The following SH2D4B variants were observed in gnomAD, a reference collection of about 807,000 sequenced individuals.
SH2D4B encodes SH2 domain containing 4B.
In SH2D4B, 45 loss-of-function variants were observed where a neutral mutation model predicts 61.5. The observed-to-expected ratio is 0.73, with a 90% CI of 0.58 to 0.94. The LOEUF is 0.94. Among genes scored for constraint, SH2D4B ranks in the 40% least tolerant of loss-of-function variants. The pLI, the probability that SH2D4B is intolerant of heterozygous loss-of-function variation, is 0.00. For missense variants in SH2D4B, 572 were observed against 574.2 expected (o/e 1.00, Z 0.04); for synonymous variants, 224 against 220.4 (o/e 1.02, Z -0.14).
intron 1 of SH2D4B, among the ~76,000 whole-genome samples, chr10:80,542,404 T>C (rs1841593954): frequency 6.6e-6 from 1 of 151,050 alleles, no homozygotes; most frequent in African/African-American, 2.4e-5. Context: ...CTATCTTTTT[T>C]TTTTTTTTTT....
chr10:80,545,381 G>T (rs1841660605), intron 1 of SH2D4B, among the ~76,000 whole-genome samples: 1 of 148,788 alleles, frequency 6.7e-6, no homozygotes, highest in South Asian at 2.1e-4. Context: ...TCCTTCTTTT[G>T]CTTCTCCTCC....
At position 80,609,538 on chromosome 10, in the gene SH2D4B, C is replaced by A. The variant is rs765178823; in HGVS notation, c.975C>A (p.Ala325=). Reference sequence around the variant, plus strand: ...TCGAGAGGAACACCAAGTTCATCGCCCCCTGGTTCCATGGTAGCACCATTT... The same window carrying A: ...TCGAGAGGAACACCAAGTTCATCGCACCCTGGTTCCATGGTAGCACCATTT... ...AGFERNTKFI[A]PWFHGIISRE... The change falls in exon 6 of 8, where the codon GCC becomes GCA. Residue 325 remains alanine, a synonymous_variant. Coordinates refer to ENST00000646907, the MANE Select transcript of SH2D4B (RefSeq NM_001388272.1). The A allele has an allele frequency of 3.7e-6, 6 of 1,614,212 alleles. No homozygotes were observed. The highest frequency in any genetic ancestry group is 4.2e-6 in the Non-Finnish European group (5 of 1,180,030).
At chr10:80,634,222 A>G in intron 6 of SH2D4B, 63 bp from the exon 7 acceptor site, 1 of 1,469,170 alleles carries the variant, frequency 6.8e-7, no homozygotes, top group Non-Finnish European at 9.0e-7. Context: ...AGGAGTGGAG[A>G]ATCGTGGGGG....
chr10:80,570,216 A>T lies in SH2D4B; in HGVS notation c.247A>T (p.Met83Leu), dbSNP rs200521688. ...AGATGGCGAGGTCTGGGTCTGGATC[A>T]TGGGAGAAGGCCCTGGTGACAAGCC... ...GADGEVWVWI[M>L]GEGPGDKPYE... Residue 83 changes from methionine (M) to leucine (L), a missense_variant, in exon 2 of 8, where the codon ATG becomes TTG. Coordinates refer to ENST00000646907, the MANE Select transcript of SH2D4B (RefSeq NM_001388272.1). 2 of 1,614,050 alleles carry T rather than the reference A, an allele frequency of 1.2e-6. No homozygotes were observed. The highest frequency in any genetic ancestry group is 1.7e-6 in the Non-Finnish European group (2 of 1,180,034).
intron 7 of SH2D4B, 114 bp from the exon 8 acceptor site, chr10:80,643,879 G>A (rs913044576): frequency 3.7e-6 from 2 of 544,588 alleles, no homozygotes; most frequent in Middle Eastern, 2.9e-4. Context: ...ATCTGAATGA[G>A]AGGAGACAAA....
chr10:80,543,747 G>A (rs908927047), intron 1 of SH2D4B, among the ~76,000 whole-genome samples: 4 of 152,154 alleles, frequency 2.6e-5, no homozygotes, highest in Non-Finnish European at 5.9e-5. Context: ...TCGGCACTCT[G>A]TATCTAGCTC....
chr10:80,644,114 T>C lies in SH2D4B; in HGVS notation c.*29T>C, dbSNP rs769332067. ...TTTTCCTTATCAATTGGATTCATTT[T>C]GGTATCCTGTTTTTGAACTCAGCTT... On this transcript the variant is annotated 3_prime_UTR_variant, in exon 8 of 8. Transcript: ENST00000646907. The C allele has an allele frequency of 1.9e-6, 3 of 1,576,398 alleles. No homozygotes were observed. Among genetic ancestry groups the C allele is most frequent in the Non-Finnish European group, 1.7e-6 (2 of 1,146,788 alleles).
Position 80,570,276 on chromosome 10 carries a change from A to G in SH2D4B, c.307A>G (p.Arg103Gly). 1 of 1,613,684 alleles carries G rather than the reference A, an allele frequency of 6.2e-7. No individual in the cohort carries two copies. Among genetic ancestry groups the G allele is most frequent in the Non-Finnish European group, 8.5e-7 (1 of 1,179,944 alleles). The change falls in exon 2 of 8, where the codon AGG becomes GGG. Residue 103 changes from arginine to glycine, a missense_variant. Coordinates refer to ENST00000646907, the MANE Select transcript of SH2D4B (RefSeq NM_001388272.1). ...GATCTCTGAGGAGCTGATTGCAGAG[A>G]GGGCGCGGCTGCAGGCACAGAGGGA... ...EEISEELIAE[R>G]ARLQAQREAE...
At chr10:80,621,773 G>T (rs1842719282) in intron 6 of SH2D4B, among the ~76,000 whole-genome samples, 1 of 152,186 alleles carries the variant, frequency 6.6e-6, no homozygotes, top group Non-Finnish European at 1.5e-5. Context: ...GGGGTCTGAG[G>T]GTCCCCTTCC....
At position 80,538,479 on chromosome 10, in the gene SH2D4B, C is replaced by A. The variant is rs867118977; in HGVS notation, c.148C>A (p.Gln50Lys). ...KERETWEALA[Q>K]DEGLRPPKTK... ...GCGGGAGACTTGGGAGGCCCTGGCC[C>A]AGGACGAGGGTCTCAGGCCTCCAAA... The change falls in exon 1 of 8, where the codon CAG becomes AAG. Residue 50 changes from glutamine to lysine, a missense_variant. By Grantham distance (53) the Gln-to-Lys change is moderately conservative (BLOSUM62 1). Coordinates refer to ENST00000646907, the MANE Select transcript of SH2D4B (RefSeq NM_001388272.1). This position sits in a 1 kb window ranked among gnomAD's most constrained non-coding sequence, Gnocchi z 4.8. 1 of 1,455,098 alleles carries A rather than the reference C, an allele frequency of 6.9e-7. No individual in the cohort carries two copies. The highest frequency in any genetic ancestry group is 9.1e-7 in the Non-Finnish European group (1 of 1,103,454). 90.1% of individuals were successfully genotyped at this position (1,455,098 alleles called of 1,614,324 possible).
At chr10:80,569,641 T>C (rs907732609) in intron 1 of SH2D4B, among the ~76,000 whole-genome samples, 4 of 151,952 alleles carry the variant, frequency 2.6e-5, no homozygotes, top group African/African-American at 7.3e-5. Context: ...CACAATGCTC[T>C]TATACATTTT....
At chr10:80,565,095 A>T (rs1201956415) in intron 1 of SH2D4B, among the ~76,000 whole-genome samples, 1 of 152,236 alleles carries the variant, frequency 6.6e-6, no homozygotes, top group African/African-American at 2.4e-5. Context: ...GAGTGGCTGA[A>T]GTATGGCCGC....
In SH2D4B at chr10:80,615,005, C is replaced by A. The variant is rs997605026; in HGVS notation, c.988+5454C>A. Among the ~76,000 whole-genome samples, 3 of 152,354 alleles carry A rather than the reference C, an allele frequency of 2.0e-5. No individual in the cohort carries two copies. The East Asian group carries it at 5.8e-4, about 29-fold the overall frequency. On this transcript the variant is annotated intron_variant, in intron 6 of 7. Transcript: ENST00000646907. ...GATGAGGGGCAAACCCACTGGCCAT[C>A]CTGCAGGGAGGAAACCCCCAGAGAG...
intron 3 of SH2D4B, among the ~76,000 whole-genome samples, chr10:80,582,696 G>C (rs1406164039): frequency 6.6e-6 from 1 of 152,176 alleles, no homozygotes; most frequent in Non-Finnish European, 1.5e-5. Flanking sequence ...CATTCCTGGG[G>C]GGACTAACTA....
At chr10:80,556,846 T>C (rs1258298960) in intron 1 of SH2D4B, among the ~76,000 whole-genome samples, 1 of 152,194 alleles carries the variant, frequency 6.6e-6, no homozygotes, top group East Asian at 1.9e-4. Context: ...CATATGCAAA[T>C]GGAGACAAAT....
chr10:80,599,199 C>G (rs916674776), intron 4 of SH2D4B, among the ~76,000 whole-genome samples: 1 of 152,060 alleles, frequency 6.6e-6, no homozygotes, highest in East Asian at 1.9e-4. Flanking sequence ...CAGGTAGAGC[C>G]GGAAGGGGCT....
intron 1 of SH2D4B, among the ~76,000 whole-genome samples, chr10:80,544,042 A>T (rs904232385): frequency 6.6e-6 from 1 of 152,110 alleles, no homozygotes; most frequent in African/African-American, 2.4e-5. Context: ...CCAAGCCAGC[A>T]GTGACAACCC....
In SH2D4B at chr10:80,614,985, G is replaced by A. The variant is rs112147219; in HGVS notation, c.988+5434G>A. Among the ~76,000 whole-genome samples, 63 of 152,370 alleles carry A rather than the reference G, an allele frequency of 4.1e-4. 1 individual carries two copies. Among genetic ancestry groups the A allele is most frequent in the African/African-American group, 1.5e-3 (63 of 41,584 alleles). On this transcript the variant is annotated intron_variant, in intron 6 of 7. Coordinates refer to ENST00000646907, the MANE Select transcript of SH2D4B (RefSeq NM_001388272.1). ...GCCCTCCTGGGAGCCCTGTGGATGA[G>A]GGGCAAACCCACTGGCCATCCTGCA...
chr10:80,632,067 G>A (rs7908183), intron 6 of SH2D4B, among the ~76,000 whole-genome samples: 4,085 of 152,066 alleles, frequency 0.027, 192 homozygotes, highest in African/African-American at 0.094. Flanking sequence ...CCTCCCAAGT[G>A]GGTGTAGCAT....
Sources: allele counts gnomAD v4.1 joint callset (sites outside exome capture counted in the v4.1 genomes callset), GRCh38; gene constraint gnomAD v4.1.1; non-coding constraint Gnocchi (gnomAD v3.1); transcripts MANE v1.5; gene names NCBI Gene and HGNC (gene_info 2026-07-23, HGNC 2026-07-21).